Variants in SCP2 observed in about 807,000 individuals in gnomAD.
The protein encoded by SCP2 is SCP-2/3-oxoacyl-CoA thiolase.
In SCP2, 48 loss-of-function variants were observed where a neutral mutation model predicts 71.4. The observed-to-expected ratio is 0.67, with a 90% confidence interval of 0.53 to 0.86. SCP2 has a LOEUF of 0.86. SCP2 is among the 40% of genes least tolerant of loss of function. The probability of loss-of-function intolerance (pLI) is 0.00; values close to 1 mark genes in which losing one functional copy is unlikely to be tolerated. For missense variants in SCP2, 560 were observed against 655.6 expected (o/e 0.85, Z 1.59); for synonymous variants, 220 against 218.1 (o/e 1.01, Z -0.08).
At chr1:52,976,878 ACTC>A in intron 8 of SCP2, 109 bp downstream of exon 8, 1 of 707,602 alleles carries the variant, frequency 1.4e-6, no homozygotes, top group Non-Finnish European at 2.6e-6. Context: ...CTTTCACAGA[ACTC>A]CTCCCAGTGC....
At chr1:52,970,967 G>GGTT (rs1657419007) in intron 6 of SCP2, among the ~76,000 whole-genome samples, 1 of 123,382 alleles carries the variant, frequency 8.1e-6, no homozygotes, top group African/African-American at 3.7e-5. Flanking sequence ...GAGAGACACA[G>GGTT]ATTTTTTTTT....
rs1298910477 is a variant in SCP2 at position 52,948,042 on chromosome 1, A to T, written c.161A>T (p.Tyr54Phe). Residue 54 changes from tyrosine (Y) to phenylalanine (F), a missense_variant, in exon 3 of 16, where the codon TAT (tyrosine) becomes TTT (phenylalanine). Physicochemically the swap from Tyr to Phe is conservative, Grantham distance 22. Transcript: ENST00000371514. ...KKALADAQIP[Y>F]SAVDQACVGY... ...GCTTTAGCTGATGCACAGATCCCTT[A>T]TTCAGCAGTGGACCAGGCATGTGTT... 2 of 1,613,536 alleles carry T rather than the reference A, an allele frequency of 1.2e-6. No individual in the cohort carries two copies. The highest frequency in any genetic ancestry group is 8.5e-7 in the Non-Finnish European group (1 of 1,179,488).
At position 52,947,987 on chromosome 1, in the gene SCP2, T is replaced by C. The variant is rs201715015; in HGVS notation, c.128-22T>C. On this transcript the variant is annotated intron_variant, in intron 2 of 15. Coordinates refer to ENST00000371514, the MANE Select transcript of SCP2 (RefSeq NM_002979.5). Reference sequence around the variant, plus strand: ...AACAAATACTTAAAGCACTTTTTGATAAAAACCTTTCGTTTTTATAGGCAA... The same window carrying C: ...AACAAATACTTAAAGCACTTTTTGACAAAAACCTTTCGTTTTTATAGGCAA... 438 of 1,583,606 alleles carry C rather than the reference T, an allele frequency of 2.8e-4. No homozygotes were observed. Among genetic ancestry groups the C allele is most frequent in the Non-Finnish European group, 3.5e-4 (403 of 1,152,702 alleles).
intron 13 of SCP2, among the ~76,000 whole-genome samples, chr1:53,034,727 C>G (rs752421685): frequency 2.0e-4 from 30 of 152,112 alleles, no homozygotes; most frequent in Non-Finnish European, 3.8e-4. Flanking sequence ...TATGTAAATT[C>G]CTCAGGGGCA....
intron 5 of SCP2, among the ~76,000 whole-genome samples, chr1:52,960,139 C>T (rs1656207384): frequency 6.6e-6 from 1 of 152,028 alleles, no homozygotes; most frequent in Non-Finnish European, 1.5e-5. Context: ...ATCCGCCCGC[C>T]TGGCCTCCCA....
intron 11 of SCP2, among the ~76,000 whole-genome samples, chr1:52,991,687 C>T (rs547064112): frequency 6.6e-6 from 1 of 152,172 alleles, no homozygotes; most frequent in Non-Finnish European, 1.5e-5. Context: ...GCATGAACCA[C>T]CACGCCCAGC....
At chr1:53,004,421 C>A (rs1294960657) in intron 11 of SCP2, among the ~76,000 whole-genome samples, 4 of 152,150 alleles carry the variant, frequency 2.6e-5, no homozygotes, top group African/African-American at 9.7e-5. Flanking sequence ...CCCCTGTGAC[C>A]TGCACGTATA....
At chr1:52,945,930 G>GTT (rs906127061) in intron 2 of SCP2, among the ~76,000 whole-genome samples, 2 of 141,698 alleles carry the variant, frequency 1.4e-5, no homozygotes, top group African/African-American at 2.6e-5. Flanking sequence ...AAGTTTTTTT[G>GTT]TTTTTTTTTT....
intron 4 of SCP2, among the ~76,000 whole-genome samples, chr1:52,953,377 C>G (rs1655492840): frequency 6.6e-6 from 1 of 152,066 alleles, no homozygotes; most frequent in African/African-American, 2.4e-5. Flanking sequence ...GCCTCACTCT[C>G]TCACCAAGGC....
chr1:53,019,442 T>G (rs1661564646), intron 12 of SCP2, among the ~76,000 whole-genome samples: 2 of 152,214 alleles, frequency 1.3e-5, no homozygotes, highest in South Asian at 2.1e-4. Context: ...TGCCCCTGAT[T>G]TGGCCAGTGG....
intron 13 of SCP2, among the ~76,000 whole-genome samples, chr1:53,034,614 T>A (rs759124389): frequency 2.6e-5 from 4 of 152,202 alleles, no homozygotes; most frequent in Non-Finnish European, 5.9e-5. Context: ...ATATAAATTA[T>A]ATCTCAATGC....
In SCP2 at chr1:53,051,549, A is replaced by G. The variant is rs899814397; in HGVS notation, c.*845A>G. On this transcript the variant is annotated 3_prime_UTR_variant, in exon 16 of 16. Coordinates refer to ENST00000371514, the MANE Select transcript of SCP2 (RefSeq NM_002979.5). The stretch of plus-strand genomic sequence containing the variant: ...GTTATTTCTTAAAATTCAGTGAGAT[A>G]TAGGATAAAATAATGCTTTGAGAAG... 3.3e-5 allele frequency: 5 copies of G among 152,194 alleles called. No homozygotes were observed. The highest frequency in any genetic ancestry group is 1.2e-4 in the African/African-American group (5 of 41,442). 9.4% of individuals were successfully genotyped at this position (152,194 alleles called of 1,614,324 possible). A position where few individuals can be genotyped will look rare whatever the true frequency, so the allele number is the denominator to read the frequency against.
intron 6 of SCP2, among the ~76,000 whole-genome samples, chr1:52,964,387 A>T (rs1357769819): frequency 6.6e-6 from 1 of 151,578 alleles, no homozygotes; most frequent in Non-Finnish European, 1.5e-5. Context: ...TTTTTAGTAG[A>T]GACGGGGTTT....
chr1:52,942,917 G>A (rs973060546), intron 2 of SCP2, among the ~76,000 whole-genome samples: 1 of 151,916 alleles, frequency 6.6e-6, no homozygotes, highest in Non-Finnish European at 1.5e-5. Flanking sequence ...AGCTAGGCTG[G>A]CCTCGAACTC....
rs1214100826 is a variant in SCP2, at chr1:52,927,359, G to A, written c.-38G>A. 5 of 1,536,684 alleles carry A rather than the reference G, an allele frequency of 3.3e-6. No homozygotes were observed. Among genetic ancestry groups the A allele is most frequent in the Non-Finnish European group, 4.4e-6 (5 of 1,132,782 alleles). The stretch of plus-strand genomic sequence containing the variant: ...TCTCCGCCTGTCAGTGCCGGCAGTC[G>A]TCCGCGGCGCCCGCCCCGGTCCCGC... On this transcript the variant is annotated 5_prime_UTR_variant, in exon 1 of 16. Coordinates refer to ENST00000371514, the MANE Select transcript of SCP2 (RefSeq NM_002979.5).
At chr1:52,977,583 T>C (rs934412024) in intron 8 of SCP2, among the ~76,000 whole-genome samples, 1 of 152,224 alleles carries the variant, frequency 6.6e-6, no homozygotes, top group African/African-American at 2.4e-5. Flanking sequence ...CTTTATTGTA[T>C]TAGGATAGGA....
Position 52,957,899 on chromosome 1 carries a change from TCTTTTTTCCATTATATTGC to T in SCP2, c.396+3100_396+3118del, listed in dbSNP as rs1017041166. Among the ~76,000 whole-genome samples the T allele has an allele frequency of 2.4e-4, 37 of 152,298 alleles. No individual in the cohort carries two copies. In the East Asian group the frequency reaches 6.4e-3, roughly 26 times the overall value. ...CCTGCACCATTTGTTGAAAAGATTA[TCTTTTTTCCATTATATTGC>T]CTTTGCTTCTTTGTCATTGTTAATT... On this transcript the variant is annotated intron_variant, in intron 5 of 15. Coordinates refer to ENST00000371514, the MANE Select transcript of SCP2 (RefSeq NM_002979.5).
intron 4 of SCP2, among the ~76,000 whole-genome samples, chr1:52,951,417 G>A (rs1317252515): frequency 1.6e-3 from 242 of 151,508 alleles, no homozygotes; most frequent in Middle Eastern, 3.4e-3. Flanking sequence ...CCTGGGCAAC[G>A]TAGTTAGAAC....
intron 13 of SCP2, among the ~76,000 whole-genome samples, chr1:53,029,563 G>A (rs772557036): frequency 2.6e-5 from 4 of 152,190 alleles, no homozygotes; most frequent in Admixed American, 6.5e-5. Flanking sequence ...TTTCACTCAC[G>A]TTAGAGCCAT....
Sources: allele counts gnomAD v4.1 joint callset (sites outside exome capture counted in the v4.1 genomes callset), GRCh38; gene constraint gnomAD v4.1.1; transcripts MANE v1.5; gene names NCBI Gene and HGNC (gene_info 2026-07-23, HGNC 2026-07-21).